Variants in EBF3 observed in about 807,000 individuals in gnomAD.
EBF3 encodes EBF transcription factor 3.
Under a neutral mutation model 77.1 loss-of-function variants are expected in EBF3, and 18 were observed. The observed-to-expected ratio is 0.23, with a 90% CI of 0.16 to 0.35. The LOEUF is 0.35. EBF3 is among the 10% of genes least tolerant of loss of function. EBF3 has a pLI of 1.00. For synonymous variants in EBF3, 350 were observed against 343.5 expected (o/e 1.02, Z -0.21); for missense variants, 558 against 860.0 (o/e 0.65, Z 4.39).
intron 6 of EBF3, among the ~76,000 whole-genome samples, chr10:129,940,794 G>C (rs566163415): frequency 6.6e-6 from 1 of 152,300 alleles, no homozygotes; most frequent in East Asian, 1.9e-4. Flanking sequence ...GAACCGCGGG[G>C]GAGTCTGGGC....
chr10:129,878,823 C>CAAAAAAAAAAAAAAAAAAA (rs10654202), intron 6 of EBF3, among the ~76,000 whole-genome samples: 1 of 58,758 alleles, frequency 1.7e-5, no homozygotes, highest in Non-Finnish European at 3.1e-5. Flanking sequence ...AAATCGGTCT[C>CAAAAAAAAAAAAAAAAAAA]AAAAAAAAAA....
chr10:129,882,440 G>A (rs1853274191), intron 6 of EBF3, among the ~76,000 whole-genome samples: 1 of 152,250 alleles, frequency 6.6e-6, no homozygotes, highest in Non-Finnish European at 1.5e-5. Context: ...TGGCAACAGA[G>A]AGCAGGAGAG....
rs534343277 is a variant in EBF3 at position 129,923,243 on chromosome 10, T to C, written c.554+34015A>G. On this transcript the variant is annotated intron_variant, in intron 6 of 16. Coordinates refer to ENST00000440978, the MANE Select transcript of EBF3 (RefSeq NM_001375380.1). ...CAGAAGCTGCTCAACAGTAGAATCA[T>C]TTTGCAATAGAAAAAGTGTGATGCC... 1.1e-3 allele frequency among the ~76,000 whole-genome samples: 175 copies of C among 152,322 alleles called. 1 individual carries two copies. The highest frequency in any genetic ancestry group is 3.9e-3 in the African/African-American group (163 of 41,576).
intron 6 of EBF3, among the ~76,000 whole-genome samples, chr10:129,895,980 T>C (rs1854342782): frequency 6.6e-6 from 1 of 152,228 alleles, no homozygotes; most frequent in South Asian, 2.1e-4. Flanking sequence ...TGTACAGGTT[T>C]TCTACTAATT....
At position 129,836,990 on chromosome 10, in the gene EBF3, G is replaced by A. The variant is rs1229544175; in HGVS notation, c.*953C>T. 6.6e-6 allele frequency: 1 copy of A among 152,664 alleles called. No individual in the cohort carries two copies. Among genetic ancestry groups the A allele is most frequent in the East Asian group, 1.9e-4 (1 of 5,180 alleles). 9.5% of individuals were successfully genotyped at this position (152,664 alleles called of 1,614,324 possible). On this transcript the variant is annotated 3_prime_UTR_variant, in exon 17 of 17. Coordinates refer to ENST00000440978, the MANE Select transcript of EBF3 (RefSeq NM_001375380.1). ...TGGATCTGAAAAAAATTCAAGACAA[G>A]TGTATAAATATTTAGCTACAACTTT...
intron 11 of EBF3, chr10:129,845,322 C>T (rs533750189): frequency 1.3e-5 from 2 of 152,312 alleles, no homozygotes; most frequent in South Asian, 2.1e-4. Flanking sequence ...AATTTCTTAG[C>T]CACAACCATA....
intron 10 of EBF3, among the ~76,000 whole-genome samples, chr10:129,866,677 C>T (rs750206128): frequency 1.3e-5 from 2 of 152,166 alleles, no homozygotes; most frequent in Non-Finnish European, 2.9e-5. Context: ...TGCATTTACC[C>T]GGGGTGTGGC....
rs112051747 is a variant in EBF3 at position 129,841,177 on chromosome 10, G to A, written c.1373-145C>T. On this transcript the variant is annotated intron_variant, in intron 13 of 16. Transcript: ENST00000440978. This position sits in a 1 kb window ranked among gnomAD's most constrained non-coding sequence, Gnocchi z 4.6. The stretch of plus-strand genomic sequence containing the variant: ...CTGCTCTAGCGCCTGCTGCCAGCTC[G>A]GATGACCTTATCACGCCAACCCTGC... 23 of 1,130,130 alleles carry A rather than the reference G, an allele frequency of 2.0e-5. No individual in the cohort carries two copies. The highest frequency in any genetic ancestry group is 1.1e-4 in the African/African-American group (7 of 64,398). The allele number at this position is 1,130,130 out of a possible 1,614,324, so 70.0% of individuals were successfully genotyped here.
intron 6 of EBF3, among the ~76,000 whole-genome samples, chr10:129,937,802 T>C (rs1030578078): frequency 2.0e-5 from 3 of 152,108 alleles, no homozygotes; most frequent in Non-Finnish European, 4.4e-5. Context: ...TCAAGTCCTC[T>C]CCGAGCCACA....
chr10:129,939,137 C>G (rs1857555631), intron 6 of EBF3, among the ~76,000 whole-genome samples: 1 of 152,214 alleles, frequency 6.6e-6, no homozygotes, highest in Non-Finnish European at 1.5e-5. Context: ...GTCAGTGGCA[C>G]ACACAGCCTT....
intron 6 of EBF3, among the ~76,000 whole-genome samples, chr10:129,903,389 G>A (rs1854921823): frequency 6.6e-6 from 1 of 152,240 alleles, no homozygotes; most frequent in Non-Finnish European, 1.5e-5. Flanking sequence ...TTTAGTAGCT[G>A]TGGTTATCTT....
Position 129,943,743 on chromosome 10 carries a change from T to C in EBF3, c.554+13515A>G, listed in dbSNP as rs567962650. Among the ~76,000 whole-genome samples the C allele has an allele frequency of 1.3e-5, 2 of 152,240 alleles. No homozygotes were observed. Among genetic ancestry groups the C allele is most frequent in the Non-Finnish European group, 2.9e-5 (2 of 68,048 alleles). ...GAATTCTTTTCACAGGCTGCATCTA[T>C]GCTAGCCAATGAAAACAACACAGAA... is the stretch of plus-strand genomic sequence containing the variant. On this transcript the variant is annotated intron_variant, in intron 6 of 16. Coordinates refer to ENST00000440978, the MANE Select transcript of EBF3 (RefSeq NM_001375380.1). The surrounding 1 kb of genome is among the most constrained non-coding windows in gnomAD (Gnocchi z 8.8).
intron 10 of EBF3, among the ~76,000 whole-genome samples, chr10:129,853,677 C>T (rs1851048891): frequency 6.6e-6 from 1 of 152,108 alleles, no homozygotes; most frequent in African/African-American, 2.4e-5. Context: ...CGTCAGTGTG[C>T]CTGAATGAAC....
chr10:129,838,036 C>T (rs1357534371), intron 16 of EBF3, 76 bp from the exon 17 acceptor site: 1 of 1,556,832 alleles, frequency 6.4e-7, no homozygotes, highest in Non-Finnish European at 8.8e-7. Context: ...GCGGGCGGGG[C>T]TGCCCTTCCC....
intron 10 of EBF3, among the ~76,000 whole-genome samples, chr10:129,855,115 C>A (rs572806045): frequency 6.6e-6 from 1 of 152,380 alleles, no homozygotes; most frequent in East Asian, 1.9e-4. Flanking sequence ...TCCCCCCAAC[C>A]CGCTCACTGC....
At chr10:129,961,908 A>T (rs1859553428) in intron 4 of EBF3, among the ~76,000 whole-genome samples, 1 of 152,222 alleles carries the variant, frequency 6.6e-6, no homozygotes, top group Non-Finnish European at 1.5e-5. Context: ...GTCAAATATT[A>T]ATTACCATAA....
chr10:129,883,934 C>T (rs1330370717), intron 6 of EBF3, among the ~76,000 whole-genome samples: 3 of 152,160 alleles, frequency 2.0e-5, no homozygotes, highest in South Asian at 2.1e-4. Context: ...ATCACTTCAG[C>T]GAACAAAAAA....
intron 6 of EBF3, among the ~76,000 whole-genome samples, chr10:129,950,213 T>C (rs1258538952): frequency 2.0e-5 from 3 of 152,192 alleles, no homozygotes. Flanking sequence ...AGCCCCTTCC[T>C]TTCCGCACAT....
chr10:129,880,469 ACACATACG>A (rs1394457330), intron 6 of EBF3, among the ~76,000 whole-genome samples: 3 of 152,170 alleles, frequency 2.0e-5, no homozygotes, highest in Non-Finnish European at 4.4e-5. Context: ...AGACACATGC[ACACATACG>A]CACATACATA....
Sources: allele counts gnomAD v4.1 joint callset (sites outside exome capture counted in the v4.1 genomes callset), GRCh38; gene constraint gnomAD v4.1.1; non-coding constraint Gnocchi (gnomAD v3.1); transcripts MANE v1.5; gene names NCBI Gene and HGNC (gene_info 2026-07-23, HGNC 2026-07-21).